The following DOCK4 variants were observed in gnomAD, a reference collection of about 807,000 sequenced individuals.
DOCK4 encodes dedicator of cytokinesis 4.
DOCK4 carries 97 observed loss-of-function variants against 268.1 expected under a neutral mutation model. The observed-to-expected ratio is 0.36, with a 90% CI of 0.31 to 0.43. The LOEUF (loss-of-function observed/expected upper bound fraction) is 0.43. Ranked by LOEUF, DOCK4 falls within the 20% of genes least tolerant of loss-of-function variation. DOCK4 has a pLI of 1.00. For synonymous variants in DOCK4, 954 were observed against 887.2 expected, an observed-to-expected ratio of 1.08 and a Z score of -1.34; for missense variants, 2,145 against 2,455.7, an observed-to-expected ratio of 0.87 and a Z score of 2.67.
chr7:112,104,533 T>C (rs1438929464), intron 1 of DOCK4, among the ~76,000 whole-genome samples: 1 of 152,168 alleles, frequency 6.6e-6, no homozygotes, highest in Non-Finnish European at 1.5e-5. Context: ...AAACTCAAAA[T>C]TAACCTTGGC....
At chr7:111,768,889 T>C (rs867572076) in intron 37 of DOCK4, among the ~76,000 whole-genome samples, 7 of 152,264 alleles carry the variant, frequency 4.6e-5, no homozygotes, top group Middle Eastern at 3.4e-3. Flanking sequence ...AATTCATATG[T>C]TGAAATCCTA....
At chr7:111,907,720 G>T (rs1191684580) in intron 13 of DOCK4, among the ~76,000 whole-genome samples, 1 of 152,056 alleles carries the variant, frequency 6.6e-6, no homozygotes, top group Non-Finnish European at 1.5e-5. Context: ...GATATATATA[G>T]ATACATTATA....
chr7:112,068,570 T>G (rs1807288341), intron 1 of DOCK4, among the ~76,000 whole-genome samples: 1 of 152,216 alleles, frequency 6.6e-6, no homozygotes, highest in South Asian at 2.1e-4. Flanking sequence ...GCACAGTTCC[T>G]GACACATTGC....
chr7:112,160,912 C>G (rs1817058106), intron 1 of DOCK4, among the ~76,000 whole-genome samples: 1 of 152,170 alleles, frequency 6.6e-6, no homozygotes, highest in Admixed American at 6.5e-5. Context: ...CTCTATTAAG[C>G]AGGACTCGAG....
chr7:112,167,604 C>T (rs1817714744), intron 1 of DOCK4, among the ~76,000 whole-genome samples: 1 of 152,184 alleles, frequency 6.6e-6, no homozygotes, highest in Non-Finnish European at 1.5e-5. Context: ...ATTCAAGGAA[C>T]TTATTTTAAG....
Position 111,944,821 on chromosome 7 carries a change from A to G in DOCK4, c.834T>C (p.Ile278=). 6.2e-7 allele frequency: 1 copy of G among 1,613,910 alleles called. No homozygotes were observed. The change falls in exon 10 of 53, where the codon ATT becomes ATC. Residue 278 remains isoleucine, a synonymous_variant. Coordinates refer to ENST00000428084, the MANE Select transcript of DOCK4 (RefSeq NM_001363540.2). ...AAGTGTTATACCTACCGATTCGGAT[A>G]ATGTGCACGGTGATATAAATGTCCT... ...LRKDIYITVH[I]IRIGRMGAGE...
chr7:112,078,532 A>G (rs969942497), intron 1 of DOCK4, among the ~76,000 whole-genome samples: 55 of 152,244 alleles, frequency 3.6e-4, no homozygotes, highest in African/African-American at 1.3e-3. Flanking sequence ...TTAACTAGGC[A>G]GGATCACTGT....
chr7:111,993,324 C>T (rs752511108), intron 5 of DOCK4, among the ~76,000 whole-genome samples: 4 of 152,196 alleles, frequency 2.6e-5, no homozygotes, highest in Non-Finnish European at 4.4e-5. Context: ...AGCTGTTCTA[C>T]AAATTTCTTT....
intron 27 of DOCK4, chr7:111,820,479 T>A (rs1229129387): frequency 2.6e-5 from 4 of 152,254 alleles, no homozygotes; most frequent in African/African-American, 7.2e-5. Context: ...AACAAAATCA[T>A]CTTCCTATTT....
intron 1 of DOCK4, among the ~76,000 whole-genome samples, chr7:112,028,258 A>G (rs1160304120): frequency 6.6e-6 from 1 of 152,254 alleles, no homozygotes; most frequent in African/African-American, 2.4e-5. Flanking sequence ...TAATATGTTC[A>G]AAATCCAAGC....
chr7:111,732,173 A>C (rs1795138229), intron 52 of DOCK4, 53 bp downstream of exon 52: 1 of 1,575,858 alleles, frequency 6.3e-7, no homozygotes, highest in Admixed American at 1.7e-5. Context: ...TGAGTCTTAG[A>C]GAAAAAGAAA....
chr7:112,150,120 G>C (rs1416140872), intron 1 of DOCK4, among the ~76,000 whole-genome samples: 1 of 152,146 alleles, frequency 6.6e-6, no homozygotes, highest in Non-Finnish European at 1.5e-5. Context: ...TAAGAGCCTA[G>C]GATATAATCT....
At chr7:112,062,190 T>C (rs1806476937) in intron 1 of DOCK4, among the ~76,000 whole-genome samples, 1 of 152,216 alleles carries the variant, frequency 6.6e-6, no homozygotes, top group African/African-American at 2.4e-5. Flanking sequence ...GATGTCCTAA[T>C]AATAATACTG....
In DOCK4 at chr7:111,868,134, C is replaced by T. The variant is rs761481428; in HGVS notation, c.2130G>A (p.Lys710=). The T allele has an allele frequency of 4.4e-6, 7 of 1,592,280 alleles. No homozygotes were observed. The highest frequency in any genetic ancestry group is 2.2e-5 in the East Asian group (1 of 44,648). ...EVLKAQEYIF[K]YIVQSRRLFS... ...ACAGCCTTCGAGATTGAACTATATACTTAAAAATGTATTCTTGTGCCTTAA... is the reference window on the plus strand; with the variant it reads ...ACAGCCTTCGAGATTGAACTATATATTTAAAAATGTATTCTTGTGCCTTAA... Residue 710 remains lysine, a synonymous_variant, in exon 22 of 53, where the codon AAG becomes AAA. Coordinates refer to ENST00000428084, the MANE Select transcript of DOCK4 (RefSeq NM_001363540.2).
At position 111,956,561 on chromosome 7, in the gene DOCK4, T is replaced by C. The variant is rs138946275; in HGVS notation, c.702-10763A>G. Among the ~76,000 whole-genome samples the C allele has an allele frequency of 7.5e-3, 1,148 of 152,330 alleles. 22 individuals are homozygous for C. The highest frequency in any genetic ancestry group is 0.026 in the African/African-American group (1,079 of 41,578). On this transcript the variant is annotated intron_variant, in intron 8 of 52. Coordinates refer to ENST00000428084, the MANE Select transcript of DOCK4 (RefSeq NM_001363540.2). ...TTCCTTTTGCTCCTAAGCAGAGAGC[T>C]ACAGATAAGAGGTTAAATATCTCCA...
At chr7:112,167,431 C>CA (rs113588072) in intron 1 of DOCK4, among the ~76,000 whole-genome samples, 46 of 128,418 alleles carry the variant, frequency 3.6e-4, no homozygotes, top group East Asian at 6.7e-4. Context: ...CCCACCTTTA[C>CA]AAAAAAAAAA....
intron 1 of DOCK4, among the ~76,000 whole-genome samples, chr7:112,140,323 T>G (rs1814783085): frequency 6.6e-6 from 1 of 152,248 alleles, no homozygotes; most frequent in South Asian, 2.1e-4. Flanking sequence ...TTCACTCTAG[T>G]GCAGCAATGT....
chr7:112,084,324 C>T (rs1282071150), intron 1 of DOCK4, among the ~76,000 whole-genome samples: 1 of 152,198 alleles, frequency 6.6e-6, no homozygotes, highest in South Asian at 2.1e-4. Flanking sequence ...AAAACCATTA[C>T]ATTTCAGTAC....
rs199539798 is a variant in DOCK4 at position 112,206,076 on chromosome 7, T to C, written c.37+26A>G. ...CGCACTCGCTCGGGCCAGAGCAGAATAAAAGTTCGCCCCGCGGAGACTCAC... is the reference window on the plus strand; with the variant it reads ...CGCACTCGCTCGGGCCAGAGCAGAACAAAAGTTCGCCCCGCGGAGACTCAC... On this transcript the variant is annotated intron_variant, in intron 1 of 52. Transcript: ENST00000428084. 1.3e-4 allele frequency: 197 copies of C among 1,568,340 alleles called. 1 individual carries two copies. In the African/African-American group the frequency reaches 2.4e-3, roughly 19 times the overall value.
Sources: allele counts gnomAD v4.1 joint callset (sites outside exome capture counted in the v4.1 genomes callset), GRCh38; gene constraint gnomAD v4.1.1; transcripts MANE v1.5; gene names NCBI Gene and HGNC (gene_info 2026-07-23, HGNC 2026-07-21).